Variants in FANCL observed in about 807,000 individuals in gnomAD.
The protein encoded by FANCL is E3 ubiquitin-protein ligase FANCL.
FANCL carries 69 observed loss-of-function variants against 59.4 expected under a neutral mutation model. The ratio of observed to expected loss-of-function variants is 1.16; its 90% CI spans 0.96 to 1.42. The LOEUF is 1.42. FANCL is among the 40% of genes most tolerant of loss of function. The pLI, the probability that FANCL is intolerant of heterozygous loss-of-function variation, is 0.00. For synonymous variants in FANCL, 180 were observed against 147.1 expected (o/e 1.22, Z -1.62); for missense variants, 519 against 447.2 (o/e 1.16, Z -1.45).
At chr2:58,160,242 T>C (rs2104770305) in intron 12 of FANCL, 63 bp from the exon 13 acceptor site, 1 of 1,494,334 alleles carries the variant, frequency 6.7e-7, no homozygotes, top group Non-Finnish European at 9.3e-7. Flanking sequence ...ATACTCCAAA[T>C]GTCATTCCCT....
chr2:58,232,326 C>T lies in FANCL; in HGVS notation c.97-214G>A, dbSNP rs374422445. On this transcript the variant is annotated intron_variant, in intron 1 of 13. Transcript: ENST00000233741. ...CTGTCTTACAAAAACTTTGTAGTTACTGGGAAATCAAAACACTCAGATAAG... is the reference window on the plus strand; with the variant it reads ...CTGTCTTACAAAAACTTTGTAGTTATTGGGAAATCAAAACACTCAGATAAG... Among the ~76,000 whole-genome samples, 22 of 152,084 alleles carry T rather than the reference C, an allele frequency of 1.4e-4. No homozygotes were observed. In the East Asian group the frequency reaches 3.7e-3, roughly 25 times the overall value.
chr2:58,176,375 A>C (rs1027572627), intron 7 of FANCL, among the ~76,000 whole-genome samples: 19 of 151,742 alleles, frequency 1.3e-4, no homozygotes, highest in African/African-American at 4.1e-4. Context: ...CCTGACTTCA[A>C]ACTATACTAC....
chr2:58,218,100 AATGAAAATTAAT>A (rs1201168197), intron 5 of FANCL, among the ~76,000 whole-genome samples: 1 of 152,132 alleles, frequency 6.6e-6, no homozygotes, highest in African/African-American at 2.4e-5. Context: ...AAGAAATCAC[AATGAAAATTAAT>A]ATTTTTAACT....
In FANCL at chr2:58,161,594, G is replaced by A. The variant is rs1409256364; in HGVS notation, c.948C>T (p.Asp316=). 1.2e-5 allele frequency: 20 copies of A among 1,611,260 alleles called. No homozygotes were observed. Among genetic ancestry groups the A allele is most frequent in the African/African-American group, 4.0e-5 (3 of 74,794 alleles). Residue 316 remains aspartate (D), a synonymous_variant, in exon 12 of 14, where the codon GAC becomes GAT. Coordinates refer to ENST00000233741, the MANE Select transcript of FANCL (RefSeq NM_018062.4). The part of the protein sequence containing the change: ...DCGICYAYQL[D]GTIPDQVCDN... ...CACACACTTGATCAGGAATGGTACC[G>A]TCAAGTTGATAAGCATAACAAATTC...
At chr2:58,229,731 G>C (rs1373691674) in intron 3 of FANCL, 83 bp downstream of exon 3, 17 of 1,011,864 alleles carry the variant, frequency 1.7e-5, no homozygotes, top group Non-Finnish European at 2.6e-5. Context: ...TTACAACATT[G>C]TGCAAAGCAG....
intron 2 of FANCL, among the ~76,000 whole-genome samples, chr2:58,231,784 G>A (rs1693605412): frequency 6.6e-6 from 1 of 152,120 alleles, no homozygotes; most frequent in Non-Finnish European, 1.5e-5. Context: ...TACCTGTTCA[G>A]TATTTGTTAG....
At chr2:58,228,846 G>A (rs1386159832) in intron 3 of FANCL, among the ~76,000 whole-genome samples, 1 of 152,114 alleles carries the variant, frequency 6.6e-6, no homozygotes, top group African/African-American at 2.4e-5. Context: ...GTGAAAAACA[G>A]AGTAATAGAT....
chr2:58,165,535 C>A (rs1201360415), intron 8 of FANCL, among the ~76,000 whole-genome samples, 189 bp downstream of exon 8: 1 of 152,176 alleles, frequency 6.6e-6, no homozygotes, highest in East Asian at 1.9e-4. Context: ...TAATGAAACA[C>A]CTCAGTACTT....
chr2:58,172,396 A>C (rs998465742), intron 7 of FANCL, among the ~76,000 whole-genome samples: 14 of 152,148 alleles, frequency 9.2e-5, no homozygotes, highest in Non-Finnish European at 1.6e-4. Flanking sequence ...TACTCCTCTG[A>C]GACAAAACTT....
At chr2:58,237,432 ACCAAAATGTGTGTGATATAG>A (rs1225237454) in intron 1 of FANCL, among the ~76,000 whole-genome samples, 1 of 152,146 alleles carries the variant, frequency 6.6e-6, no homozygotes, top group Non-Finnish European at 1.5e-5. Context: ...ACTACAGCAC[ACCAAAATGTGTGTGATATAG>A]CTAAACCAGT....
At chr2:58,212,092 A>C (rs1249931073) in intron 5 of FANCL, among the ~76,000 whole-genome samples, 1 of 152,224 alleles carries the variant, frequency 6.6e-6, no homozygotes. Flanking sequence ...GCTGCTGATA[A>C]AGACATACCC....
intron 9 of FANCL, 115 bp downstream of exon 9, chr2:58,163,319 C>G: frequency 1.2e-6 from 1 of 833,592 alleles, no homozygotes; most frequent in Non-Finnish European, 2.0e-6. Flanking sequence ...AAAACTCCGT[C>G]TCAGACAAAA....
At chr2:58,194,150 T>C (rs1405855219) in intron 7 of FANCL, 2 of 467,484 alleles carry the variant, frequency 4.3e-6, no homozygotes, top group African/African-American at 4.0e-5. Context: ...CACTATTTAC[T>C]ACACCACACT....
chr2:58,170,431 C>T (rs182314097), intron 7 of FANCL, among the ~76,000 whole-genome samples: 1 of 152,112 alleles, frequency 6.6e-6, no homozygotes, highest in African/African-American at 2.4e-5. Flanking sequence ...ACTGCAAAAA[C>T]ATACGAAAAT....
At chr2:58,164,154 T>G (rs1262584957) in intron 8 of FANCL, among the ~76,000 whole-genome samples, 2 of 152,020 alleles carry the variant, frequency 1.3e-5, no homozygotes, top group East Asian at 1.9e-4. Flanking sequence ...CTTTTATACA[T>G]TTTAACTGTA....
At chr2:58,183,053 CCATT>C (rs1688076940) in intron 7 of FANCL, among the ~76,000 whole-genome samples, 1 of 151,600 alleles carries the variant, frequency 6.6e-6, no homozygotes, top group Non-Finnish European at 1.5e-5. Context: ...AAATTGGGAG[CCATT>C]ATTATAAGAC....
intron 5 of FANCL, chr2:58,213,377 G>C (rs1691373363): frequency 6.6e-6 from 1 of 152,156 alleles, no homozygotes; most frequent in African/African-American, 2.4e-5. Flanking sequence ...GTGTGTACCA[G>C]ACCTAATTTA....
chr2:58,222,007 T>G lies in FANCL; in HGVS notation c.309A>C (p.Ala103=). The G allele has an allele frequency of 1.2e-6, 2 of 1,613,546 alleles. No homozygotes were observed. The highest frequency in any genetic ancestry group is 1.7e-6 in the Non-Finnish European group (2 of 1,179,580). ...VALKNRQELY[A]LPPPPQFYSS... The stretch of plus-strand genomic sequence containing the variant: ...AGTAGAACTGGGGAGGAGGAGGTAG[T>G]GCATACAGCTCTTGTCTATTCTTTA... The change falls in exon 5 of 14, where the codon GCA becomes GCC. Residue 103 remains alanine (A), a synonymous_variant. Coordinates refer to ENST00000233741, the MANE Select transcript of FANCL (RefSeq NM_018062.4).
Position 58,189,131 on chromosome 2 carries a change from G to C in FANCL, c.540+9463C>G, listed in dbSNP as rs192375262. 2.3e-3 allele frequency among the ~76,000 whole-genome samples: 346 copies of C among 152,274 alleles called. 1 individual carries two copies. The highest frequency in any genetic ancestry group is 8.0e-3 in the African/African-American group (334 of 41,546). ...AAGGACTAAAGGGAGGGACAATAAT[G>C]AGGAAGGAGGTGACTGGGATGTGAT... On this transcript the variant is annotated intron_variant, in intron 7 of 13. Transcript: ENST00000233741.
Sources: gnomAD v4.1 joint callset for allele counts (sites outside exome capture counted in the v4.1 genomes callset) on GRCh38, gnomAD v4.1.1 for gene constraint, MANE v1.5 for transcripts, NCBI Gene and HGNC (gene_info 2026-07-23, HGNC 2026-07-21) for gene names.